Variants in UNC93A observed in about 807,000 individuals in gnomAD.
The protein encoded by UNC93A is unc-93 homolog A, also known as N-acetylglucosamine transporter UNC93A.
A neutral mutation model predicts 47.5 loss-of-function variants in UNC93A; 43 were observed. The ratio of observed to expected loss-of-function variants is 0.91; its 90% CI spans 0.71 to 1.17. UNC93A has a LOEUF of 1.17. UNC93A is among the 50% of genes most tolerant of loss of function. UNC93A has a pLI of 0.00. For missense variants in UNC93A, 605 were observed against 577.6 expected (o/e 1.05, Z -0.49); for synonymous variants, 280 against 258.0 (o/e 1.09, Z -0.82).
intron 7 of UNC93A, among the ~76,000 whole-genome samples, chr6:167,312,603 C>T (rs574151764): frequency 6.6e-6 from 1 of 152,220 alleles, no homozygotes; most frequent in East Asian, 1.9e-4. Flanking sequence ...TTCTAGCCCC[C>T]ACTGCGTAGC....
At chr6:167,282,591 G>C (rs73259188) in intron 1 of UNC93A, among the ~76,000 whole-genome samples, 2,915 of 152,204 alleles carry the variant, frequency 0.019, 103 homozygotes, top group African/African-American at 0.067. Flanking sequence ...AAGAAATGGT[G>C]GGTTGATTAT....
chr6:167,276,104 TG>T (rs1783539069), intron 1 of UNC93A, among the ~76,000 whole-genome samples: 1 of 150,914 alleles, frequency 6.6e-6, no homozygotes, highest in African/African-American at 2.4e-5. Context: ...TGAGAACGTG[TG>T]GTGTTGAACT....
chr6:167,311,835 C>T (rs1778561955), intron 7 of UNC93A, among the ~76,000 whole-genome samples: 1 of 152,300 alleles, frequency 6.6e-6, no homozygotes, highest in Admixed American at 6.5e-5. Context: ...AGATCCAATG[C>T]ATTTACCCCG....
chr6:167,280,095 T>C (rs1023419977), intron 1 of UNC93A, among the ~76,000 whole-genome samples: 5 of 152,188 alleles, frequency 3.3e-5, no homozygotes, highest in Non-Finnish European at 7.3e-5. Flanking sequence ...TGGCCTTTTA[T>C]TGATAAGTAT....
intron 1 of UNC93A, among the ~76,000 whole-genome samples, chr6:167,273,704 T>G (rs1783489977): frequency 6.6e-6 from 1 of 152,138 alleles, no homozygotes; most frequent in Non-Finnish European, 1.5e-5. Flanking sequence ...TCAATACATT[T>G]AAGCTGTACA....
chr6:167,300,909 C>G (rs577543441), intron 4 of UNC93A, among the ~76,000 whole-genome samples: 7 of 152,342 alleles, frequency 4.6e-5, no homozygotes, highest in Admixed American at 3.3e-4. Flanking sequence ...TGCAGCCTTC[C>G]TCTGTGAAGG....
At position 167,296,112 on chromosome 6, in the gene UNC93A, TCACGGGAAACACA is replaced by T; in HGVS notation, c.353_365del (p.Thr118MetfsTer13). On this transcript the variant is annotated frameshift_variant, in exon 3 of 8. Coordinates refer to ENST00000230256, the MANE Select transcript of UNC93A (RefSeq NM_018974.4). LOFTEE classifies it high-confidence loss of function. ...TCTGCACAGTGCACATACCTCACGA[TCACGGGAAACACA>T]CATGCAGAGAAGGCGGGAAAGCGTG... The T allele has an allele frequency of 6.2e-7, 1 of 1,614,164 alleles. No individual in the cohort carries two copies. Among genetic ancestry groups the T allele is most frequent in the Non-Finnish European group, 8.5e-7 (1 of 1,180,034 alleles).
intron 1 of UNC93A, among the ~76,000 whole-genome samples, chr6:167,281,440 G>A (rs1783632144): frequency 6.6e-6 from 1 of 152,160 alleles, no homozygotes; most frequent in Admixed American, 6.5e-5. Flanking sequence ...AATACTTCTT[G>A]TAGCTAAAAG....
Position 167,304,198 on chromosome 6 carries a change from G to A in UNC93A, c.840+65G>A. On this transcript the variant is annotated intron_variant, in intron 5 of 7. Coordinates refer to ENST00000230256, the MANE Select transcript of UNC93A (RefSeq NM_018974.4). ...TGGCATCACTGCCTTGCCTGTGTCT[G>A]TACCTGCAGGACCGCAGAGTGTCTC... The A allele has an allele frequency of 1.9e-6, 3 of 1,570,842 alleles. 1 individual carries two copies. The highest frequency in any genetic ancestry group is 4.5e-5 in the East Asian group (2 of 44,706).
At chr6:167,290,453 C>T (rs1032992660), upstream of UNC93A, among the ~76,000 whole-genome samples, 2 of 152,100 alleles carry the variant, frequency 1.3e-5, no homozygotes, top group African/African-American at 4.8e-5. Context: ...GCTGACTTCA[C>T]AGAACTTTGG....
chr6:167,306,112 A>G, intron 6 of UNC93A, 62 bp downstream of exon 6: 1 of 1,604,900 alleles, frequency 6.2e-7, no homozygotes, highest in Non-Finnish European at 8.5e-7. Flanking sequence ...AAAAGCGCAC[A>G]GCTCACAGTC....
chr6:167,288,546 C>T (rs1783784260), upstream of UNC93A, among the ~76,000 whole-genome samples: 1 of 152,048 alleles, frequency 6.6e-6, no homozygotes, highest in Non-Finnish European at 1.5e-5. Context: ...AGAACTCATT[C>T]TACTCCCTAT....
upstream of UNC93A, among the ~76,000 whole-genome samples, chr6:167,288,773 T>A (rs960578836): frequency 2.6e-5 from 4 of 152,182 alleles, no homozygotes; most frequent in Non-Finnish European, 4.4e-5. Context: ...ATTTACAAGG[T>A]GATTCTACAG....
chr6:167,287,718 TGTGTGTGCATGC>T (rs760289765), upstream of UNC93A, among the ~76,000 whole-genome samples: 60 of 151,222 alleles, frequency 4.0e-4, 1 homozygote, highest in East Asian at 4.1e-3. Context: ...TGCATATGTG[TGTGTGTGCATGC>T]GTGTGTGCAT....
At position 167,298,078 on chromosome 6, in the gene UNC93A, C is replaced by T. The variant is rs750597503; in HGVS notation, c.625+8C>T. 7 of 1,613,102 alleles carry T rather than the reference C, an allele frequency of 4.3e-6. No homozygotes were observed. Among genetic ancestry groups the T allele is most frequent in the South Asian group, 1.1e-5 (1 of 90,976 alleles). ...TCCTGGGCATCTACACTGGTACGAGCTCCATCGGCCCAGGGCAGGGTCCCT... is the reference window on the plus strand; with the variant it reads ...TCCTGGGCATCTACACTGGTACGAGTTCCATCGGCCCAGGGCAGGGTCCCT... On this transcript the variant is annotated splice_region_variant and intron_variant, in intron 4 of 7. Coordinates refer to ENST00000230256, the MANE Select transcript of UNC93A (RefSeq NM_018974.4).
chr6:167,279,372 C>T (rs1053687703), intron 1 of UNC93A, among the ~76,000 whole-genome samples: 1 of 152,210 alleles, frequency 6.6e-6, no homozygotes, highest in Non-Finnish European at 1.5e-5. Flanking sequence ...TTCAAAATTC[C>T]TTTACACCAT....
At chr6:167,276,963 C>T (rs531750359) in intron 1 of UNC93A, among the ~76,000 whole-genome samples, 46 of 152,342 alleles carry the variant, frequency 3.0e-4, no homozygotes, top group African/African-American at 8.7e-4. Context: ...AGGTGAGATG[C>T]GCTGCAGGCA....
chr6:167,276,059 C>CTTTTTTT lies in UNC93A; in HGVS notation c.-52+4605_-52+4606insTTTTTTT, dbSNP rs112367150. Among the ~76,000 whole-genome samples, 4 of 132,342 alleles carry CTTTTTTT rather than the reference C, an allele frequency of 3.0e-5. 1 individual carries two copies. Among genetic ancestry groups the CTTTTTTT allele is most frequent in the Admixed American group, 7.4e-5 (1 of 13,492 alleles). 86.8% of individuals were successfully genotyped at this position (132,342 alleles called of 152,430 possible). A position where few individuals can be genotyped will look rare whatever the true frequency, so the allele number is the denominator to read the frequency against. The stretch of plus-strand genomic sequence containing the variant: ...CTCTATGAGATCATTTTTTTCTTTT[C>CTTTTTTT]TTTTCTTTTTTTTTTTTTAGCTCAC... On this transcript the variant is annotated intron_variant, in intron 1 of 3. Coordinates refer to the UNC93A transcript ENST00000503433.
At chr6:167,270,642 T>C (rs1414128124), upstream of UNC93A, among the ~76,000 whole-genome samples, 2 of 152,130 alleles carry the variant, frequency 1.3e-5, no homozygotes, top group Non-Finnish European at 2.9e-5. Flanking sequence ...CAAGTTGAGC[T>C]GGGGTCAACT....
Sources: allele counts gnomAD v4.1 joint callset (sites outside exome capture counted in the v4.1 genomes callset), GRCh38; gene constraint gnomAD v4.1.1; transcripts MANE v1.5; gene names NCBI Gene and HGNC (gene_info 2026-07-23, HGNC 2026-07-21).